Variants in ZNF398 observed in about 807,000 individuals in gnomAD.
ZNF398 encodes the protein zinc finger protein 398.
Under a neutral mutation model 41.9 loss-of-function variants are expected in ZNF398, and 18 were observed. That is an observed-to-expected ratio of 0.43 (90% CI 0.30 to 0.64). The LOEUF (loss-of-function observed/expected upper bound fraction) is 0.64. Among genes scored for constraint, ZNF398 ranks in the 30% least tolerant of loss-of-function variants. ZNF398 has a pLI of 0.14. For synonymous variants in ZNF398, 260 were observed against 308.8 expected, an observed-to-expected ratio of 0.84 and a Z score of 1.66; for missense variants, 669 against 822.8, an observed-to-expected ratio of 0.81 and a Z score of 2.29.
chr7:149,165,847 C>T (rs1413403883), intron 2 of ZNF398, among the ~76,000 whole-genome samples: 2 of 152,150 alleles, frequency 1.3e-5, no homozygotes, highest in African/African-American at 4.8e-5. Flanking sequence ...ATCAAAGACT[C>T]AATAAAGCTT....
rs918486164 is a variant in ZNF398, at chr7:149,178,662, A to T, written c.790A>T (p.Ile264Phe). The change falls in exon 6 of 6, where the codon ATC becomes TTC. Residue 264 changes from isoleucine to phenylalanine, a missense_variant. Ile to Phe is a conservative substitution (Grantham distance 21). Coordinates refer to ENST00000475153, the MANE Select transcript of ZNF398 (RefSeq NM_170686.3). ...TTTTCTTTCAGATGAAGAGCTTGTC[A>T]TCAAAGCTGAAGGCCTTGCTAGATC... is the stretch of plus-strand genomic sequence containing the variant. Reference protein sequence around the residue: ...KSTYADEELVIKAEGLARSSL... With the variant: ...KSTYADEELVFKAEGLARSSL... 6.2e-7 allele frequency: 1 copy of T among 1,613,098 alleles called. No individual in the cohort carries two copies. Among genetic ancestry groups the T allele is most frequent in the South Asian group, 1.1e-5 (1 of 91,008 alleles).
rs954874219 is a variant in ZNF398 at position 149,181,480 on chromosome 7, A to G, written c.*1679A>G. The stretch of plus-strand genomic sequence containing the variant: ...AATGTTTAGACAGGATATTTTCTTG[A>G]TGAAGTGATAAGGAAAGGACCCATT... On this transcript the variant is annotated 3_prime_UTR_variant, in exon 6 of 6. Transcript: ENST00000475153. 4 of 152,286 alleles carry G rather than the reference A, an allele frequency of 2.6e-5. No individual in the cohort carries two copies. The highest frequency in any genetic ancestry group is 9.6e-5 in the African/African-American group (4 of 41,548). 9.4% of individuals were successfully genotyped at this position (152,286 alleles called of 1,614,324 possible). A position where few individuals can be genotyped will look rare whatever the true frequency, so the allele number is the denominator to read the frequency against.
chr7:149,172,519 C>A (rs960304042), intron 4 of ZNF398, among the ~76,000 whole-genome samples: 2 of 151,884 alleles, frequency 1.3e-5, no homozygotes, highest in African/African-American at 4.8e-5. Context: ...TCAGATGTAT[C>A]AGAGAAGCCG....
chr7:149,160,343 A>G (rs1795083332), intron 2 of ZNF398, among the ~76,000 whole-genome samples: 1 of 152,164 alleles, frequency 6.6e-6, no homozygotes, highest in Non-Finnish European at 1.5e-5. Context: ...AGGCAGGAGA[A>G]TGGTGTGAAC....
At chr7:149,161,986 GA>G (rs1563162008) in intron 2 of ZNF398, among the ~76,000 whole-genome samples, 1 of 151,996 alleles carries the variant, frequency 6.6e-6, no homozygotes, top group Non-Finnish European at 1.5e-5. Context: ...ATGTAGTTTA[GA>G]AAAAAACTCT....
chr7:149,170,234 A>G (rs1456777644), intron 4 of ZNF398, among the ~76,000 whole-genome samples: 1 of 152,224 alleles, frequency 6.6e-6, no homozygotes, highest in African/African-American at 2.4e-5. Context: ...TGATTTTGTC[A>G]TTGTGCAGAC....
intron 4 of ZNF398, among the ~76,000 whole-genome samples, chr7:149,172,449 T>TC (rs1420163245): frequency 1.3e-5 from 2 of 150,092 alleles, no homozygotes; most frequent in East Asian, 2.0e-4. Context: ...TACCCCGCGC[T>TC]CCCCCCCTTT....
At position 149,163,088 on chromosome 7, in the gene ZNF398, C is replaced by T. The variant is rs531548434; in HGVS notation, c.421-3070C>T. On this transcript the variant is annotated intron_variant, in intron 2 of 5. Coordinates refer to ENST00000475153, the MANE Select transcript of ZNF398 (RefSeq NM_170686.3). ...CTAAGAATACAGGTGTGACAGTTGG[C>T]TGAGATGCAGTTACAGTCAGGTCCC... is the stretch of plus-strand genomic sequence containing the variant. Among the ~76,000 whole-genome samples, 7 of 152,278 alleles carry T rather than the reference C, an allele frequency of 4.6e-5. No individual in the cohort carries two copies. In the South Asian group the frequency reaches 6.2e-4, roughly 14 times the overall value.
At chr7:149,172,419 A>G (rs1795364358) in intron 4 of ZNF398, among the ~76,000 whole-genome samples, 2 of 152,122 alleles carry the variant, frequency 1.3e-5, no homozygotes, top group Non-Finnish European at 2.9e-5. Context: ...CTGTGGCAGT[A>G]TTGCAGTGCT....
chr7:149,127,610 G>A (rs1176462423), intron 1 of ZNF398, among the ~76,000 whole-genome samples: 13 of 150,014 alleles, frequency 8.7e-5, no homozygotes, highest in Admixed American at 2.0e-4. Context: ...CCAGCTCCTA[G>A]GGAGGCTGAG....
At chr7:149,173,785 C>CTT (rs528703910) in intron 4 of ZNF398, among the ~76,000 whole-genome samples, 98 of 71,590 alleles carry the variant, frequency 1.4e-3, no homozygotes, top group African/African-American at 2.7e-3. Context: ...TAGCATAATT[C>CTT]TTTTTTTTTT....
chr7:149,168,426 A>C (rs1795268714), intron 4 of ZNF398, among the ~76,000 whole-genome samples: 1 of 152,006 alleles, frequency 6.6e-6, no homozygotes, highest in Non-Finnish European at 1.5e-5. Context: ...ACATCAATGC[A>C]TTTTCCTGTA....
chr7:149,176,113 A>G (rs1037582862), intron 4 of ZNF398, among the ~76,000 whole-genome samples: 12 of 152,106 alleles, frequency 7.9e-5, no homozygotes, highest in African/African-American at 2.9e-4. Context: ...TGGGCGGATC[A>G]TGAGGTCAGG....
intron 2 of ZNF398, among the ~76,000 whole-genome samples, chr7:149,154,804 C>T (rs1036778085): frequency 1.3e-5 from 2 of 151,606 alleles, no homozygotes; most frequent in South Asian, 2.1e-4. Context: ...TCCTGGCCAA[C>T]GTGAGGAAAC....
chr7:149,149,118 C>A (rs1271912080), intron 1 of ZNF398, among the ~76,000 whole-genome samples: 2 of 150,550 alleles, frequency 1.3e-5, no homozygotes, highest in Non-Finnish European at 2.9e-5. Context: ...GTCCACACCG[C>A]GTCTCTAAAA....
At chr7:149,169,971 C>T (rs906670403) in intron 4 of ZNF398, among the ~76,000 whole-genome samples, 5 of 152,178 alleles carry the variant, frequency 3.3e-5, no homozygotes, top group African/African-American at 1.2e-4. Context: ...CCAGAGTCCT[C>T]TCCCAGTGGA....
intron 1 of ZNF398, among the ~76,000 whole-genome samples, chr7:149,151,578 C>A (rs1030644130): frequency 6.6e-6 from 1 of 151,850 alleles, no homozygotes; most frequent in Non-Finnish European, 1.5e-5. Context: ...TTTGGAGCAG[C>A]CTTTTATTTT....
chr7:149,139,232 A>AT (rs1216714132), intron 2 of ZNF398, among the ~76,000 whole-genome samples: 2 of 150,792 alleles, frequency 1.3e-5, no homozygotes, highest in African/African-American at 2.4e-5. Context: ...TTAAGTTTTA[A>AT]TTTTTTTTGT....
intron 2 of ZNF398, among the ~76,000 whole-genome samples, chr7:149,162,093 A>T (rs1264531950): frequency 6.6e-6 from 1 of 151,878 alleles, no homozygotes; most frequent in Non-Finnish European, 1.5e-5. Context: ...CAGTGGTGCT[A>T]TCTTGGCTCA....
Sources: gnomAD v4.1 joint callset for allele counts (sites outside exome capture counted in the v4.1 genomes callset) on GRCh38, gnomAD v4.1.1 for gene constraint, MANE v1.5 for transcripts, NCBI Gene and HGNC (gene_info 2026-07-23, HGNC 2026-07-21) for gene names.